SIRPB2: variants seen among roughly 807,000 people sequenced by gnomAD.
SIRPB2 encodes signal-regulatory protein beta-2.
Under a neutral mutation model 27.1 loss-of-function variants are expected in SIRPB2, and 18 were observed. The observed-to-expected ratio is 0.66, with a 90% CI of 0.46 to 0.98. The LOEUF is 0.98. Among genes scored for constraint, SIRPB2 ranks in the 50% least tolerant of loss-of-function variants. The pLI, the probability that SIRPB2 is intolerant of heterozygous loss-of-function variation, is 0.00. For synonymous variants in SIRPB2, 150 were observed against 164.6 expected, an observed-to-expected ratio of 0.91 and a Z score of 0.68; for missense variants, 420 against 417.4, an observed-to-expected ratio of 1.01 and a Z score of -0.06.
chr20:1,477,429 A>G lies in SIRPB2; in HGVS notation c.794-26T>C, dbSNP rs374978543. On this transcript the variant is annotated intron_variant, in intron 3 of 4. Coordinates refer to ENST00000359801, the MANE Select transcript of SIRPB2 (RefSeq NM_001122962.2). ...CTGCAAGGGAGAGAGGCTTTGTCAT[A>G]CTTCCCTTTATCTTTATCTCCCACC... The G allele has an allele frequency of 2.9e-5, 47 of 1,597,076 alleles. No individual in the cohort carries two copies. The South Asian group carries it at 3.4e-4, about 11-fold the overall frequency.
At position 1,477,022 on chromosome 20, in the gene SIRPB2, A is replaced by G. The variant is rs1257734870; in HGVS notation, c.859+316T>C. The G allele has an allele frequency of 4.6e-6, 6 of 1,301,382 alleles. No homozygotes were observed. In the South Asian group the frequency reaches 8.9e-5, roughly 19 times the overall value. 80.6% of individuals were successfully genotyped at this position (1,301,382 alleles called of 1,614,324 possible). A position where few individuals can be genotyped will look rare whatever the true frequency, so the allele number is the denominator to read the frequency against. ...ATCCAGGAGGCTTAGCTACAAAGCC[A>G]TGTTCTCCAGTGTCGCTGTGCATAG... On this transcript the variant is annotated intron_variant, in intron 4 of 4. Coordinates refer to ENST00000359801, the MANE Select transcript of SIRPB2 (RefSeq NM_001122962.2).
intron 4 of SIRPB2, 35 bp from the exon 5 acceptor site, chr20:1,476,371 G>A (rs1028776560): frequency 6.3e-6 from 10 of 1,587,950 alleles, no homozygotes; most frequent in South Asian, 4.5e-5. Flanking sequence ...GGCGGGACCC[G>A]TGGTGAGGGC....
chr20:1,473,655 G>A (rs2090589312), downstream of SIRPB2: 2 of 286,512 alleles, frequency 7.0e-6, no homozygotes, highest in South Asian at 3.0e-5. Context: ...GGAGCTTTGT[G>A]TGGTCAAAGT....
intron 1 of SIRPB2, among the ~76,000 whole-genome samples, chr20:1,489,111 T>A (rs1307189097): frequency 6.6e-6 from 1 of 152,184 alleles, no homozygotes; most frequent in African/African-American, 2.4e-5. Context: ...AAAAGGAGTA[T>A]AACTGTGTGA....
chr20:1,478,069 G>GAGGA (rs2090624259), intron 3 of SIRPB2, 197 bp downstream of exon 3: 1 of 698,376 alleles, frequency 1.4e-6, no homozygotes, highest in Non-Finnish European at 2.6e-6. Flanking sequence ...AGGTTTTACA[G>GAGGA]AGGAAGGGCC....
At chr20:1,479,142 A>C (rs2090640249) in intron 2 of SIRPB2, 1 of 164,382 alleles carries the variant, frequency 6.1e-6, no homozygotes. Flanking sequence ...AGCCAGGGTA[A>C]CTGACTTAAG....
At chr20:1,490,279 C>T (rs74609491) in intron 1 of SIRPB2, among the ~76,000 whole-genome samples, 1,624 of 152,212 alleles carry the variant, frequency 0.011, 34 homozygotes, top group African/African-American at 0.038. Context: ...CACCTAGGTC[C>T]GACCCCACAC....
downstream of SIRPB2, among the ~76,000 whole-genome samples, chr20:1,473,437 T>A (rs995263461): frequency 6.6e-6 from 1 of 151,688 alleles, no homozygotes; most frequent in Admixed American, 6.6e-5. Flanking sequence ...GATGCACACA[T>A]GCATGCACAC....
chr20:1,481,494 A>G (rs1438382751), intron 1 of SIRPB2, among the ~76,000 whole-genome samples: 1 of 152,152 alleles, frequency 6.6e-6, no homozygotes, highest in African/African-American at 2.4e-5. Context: ...TTTTGTCTGT[A>G]TTCCCATCAG....
chr20:1,487,959 C>G (rs1413352558), intron 1 of SIRPB2, among the ~76,000 whole-genome samples: 1 of 152,110 alleles, frequency 6.6e-6, no homozygotes, highest in African/African-American at 2.4e-5. Flanking sequence ...GATCATATAA[C>G]TAAACATAAA....
At chr20:1,488,912 T>C (rs1345978472) in intron 1 of SIRPB2, among the ~76,000 whole-genome samples, 2 of 152,212 alleles carry the variant, frequency 1.3e-5, no homozygotes, top group South Asian at 2.1e-4. Context: ...CAAAGACTTG[T>C]ACATGAATAT....
At chr20:1,481,274 C>T (rs1223887825) in intron 1 of SIRPB2, among the ~76,000 whole-genome samples, 1 of 152,082 alleles carries the variant, frequency 6.6e-6, no homozygotes, top group Non-Finnish European at 1.5e-5. Context: ...CCTTGGCTTC[C>T]CAAAGTGCTG....
At chr20:1,483,610 C>CT (rs2090695258) in intron 1 of SIRPB2, among the ~76,000 whole-genome samples, 2 of 151,378 alleles carry the variant, frequency 1.3e-5, no homozygotes, top group African/African-American at 2.4e-5. Context: ...TGTTTGTTTG[C>CT]TTTTTTAACT....
At chr20:1,483,873 G>A (rs1677545042) in intron 1 of SIRPB2, among the ~76,000 whole-genome samples, 1 of 151,904 alleles carries the variant, frequency 6.6e-6, no homozygotes, top group African/African-American at 2.4e-5. Flanking sequence ...TCTTTGTATT[G>A]TTTTTCAGAA....
intron 1 of SIRPB2, among the ~76,000 whole-genome samples, chr20:1,482,468 G>A (rs143942141): frequency 6.6e-6 from 1 of 151,586 alleles, no homozygotes; most frequent in Non-Finnish European, 1.5e-5. Flanking sequence ...TTTAGCACCT[G>A]CATAGTTGTC....
At position 1,476,084 on chromosome 20, in the gene SIRPB2, AG is replaced by A; in HGVS notation, c.*82del. On this transcript the variant is annotated 3_prime_UTR_variant, in exon 5 of 5. Transcript: ENST00000359801. ...TGTCATGAGGCCTGGGGGCACCTAG[AG>A]GCTGGGACTGGAGGTAGGGAAATGG... 2.6e-6 allele frequency: 4 copies of A among 1,519,644 alleles called. No individual in the cohort carries two copies. Among genetic ancestry groups the A allele is most frequent in the Non-Finnish European group, 3.6e-6 (4 of 1,119,204 alleles). 94.1% of individuals were successfully genotyped at this position (1,519,644 alleles called of 1,614,324 possible).
At chr20:1,473,221 A>C (rs2090586807), downstream of SIRPB2, 1 of 152,338 alleles carries the variant, frequency 6.6e-6, no homozygotes, top group South Asian at 2.1e-4. Flanking sequence ...CCTGGCACAG[A>C]GTCAGCTTTC....
chr20:1,473,939 A>G (rs2090590360), downstream of SIRPB2: 1 of 452,414 alleles, frequency 2.2e-6, no homozygotes, highest in Admixed American at 2.4e-5. Context: ...AAATCAAGGT[A>G]TTGGCAGGGC....
At position 1,478,554 on chromosome 20, in the gene SIRPB2, A is replaced by ACAC. The variant is rs1233262214; in HGVS notation, c.502_504dup (p.Val168dup). On this transcript the variant is annotated inframe_insertion, in exon 3 of 5. Transcript: ENST00000359801. ...AAGACAGTGTCTCCAGTGGTCCCCA[A>ACAC]CACCAATTCCTGGGGCTGGATGATC... The ACAC allele has an allele frequency of 6.2e-7, 1 of 1,609,712 alleles. No individual in the cohort carries two copies. The highest frequency in any genetic ancestry group is 1.1e-5 in the South Asian group (1 of 90,948).
Sources: allele counts gnomAD v4.1 joint callset (sites outside exome capture counted in the v4.1 genomes callset), GRCh38; gene constraint gnomAD v4.1.1; transcripts MANE v1.5; gene names NCBI Gene and HGNC (gene_info 2026-07-23, HGNC 2026-07-21).